Variants in ANGPT2 observed in about 807,000 individuals in gnomAD.
The protein encoded by ANGPT2 is angiopoietin-2.
Under a neutral mutation model 62.9 loss-of-function variants are expected in ANGPT2, and 28 were observed. That is an observed-to-expected ratio of 0.44 (90% CI 0.33 to 0.61). The LOEUF (loss-of-function observed/expected upper bound fraction) is 0.61, where lower values mean the gene tolerates loss of function less well. Ranked by LOEUF, ANGPT2 falls within the 20% of genes least tolerant of loss-of-function variation. The pLI is 0.03. For synonymous variants in ANGPT2, 284 were observed against 207.8 expected, an observed-to-expected ratio of 1.37 and a Z score of -3.15; for missense variants, 727 against 594.9, an observed-to-expected ratio of 1.22 and a Z score of -2.31.
chr8:6,521,303 G>A lies in ANGPT2; in HGVS notation c.674C>T (p.Ser225Phe), dbSNP rs1342611009. The A allele has an allele frequency of 1.2e-6, 2 of 1,613,782 alleles. No individual in the cohort carries two copies. The highest frequency in any genetic ancestry group is 1.3e-5 in the African/African-American group (1 of 75,010). Residue 225 changes from serine (S) to phenylalanine (F), a missense_variant, in exon 4 of 9, where the codon TCC becomes TTC. Coordinates refer to ENST00000629816, the MANE Select transcript of ANGPT2 (RefSeq NM_001118887.2). ...QLQVLVSKQNSIIEELEKKIV... is the reference protein window; with the variant it reads ...QLQVLVSKQNFIIEELEKKIV... Reference sequence around the variant, plus strand: ...TTTTTTTTCTAGTTCTTCAATGATGGAATTTTGCTTGGATACTAACACCTG... The same window carrying A: ...TTTTTTTTCTAGTTCTTCAATGATGAAATTTTGCTTGGATACTAACACCTG...
Position 6,519,915 on chromosome 8 carries a change from G to A in ANGPT2, c.876C>T (p.Thr292=), listed in dbSNP as rs111537897. ...DCAEVFKSGH[T]TNGIYTLTFP... ...ATGTTAACGTGTAGATGCCATTCGT[G>A]GTGTGTCCTGATTTGAATACTTCAG... The change falls in exon 5 of 9, where the codon ACC becomes ACT. Residue 292 remains threonine (T), a synonymous_variant. Transcript: ENST00000629816. 6.2e-7 allele frequency: 1 copy of A among 1,613,464 alleles called. No individual in the cohort carries two copies. Among genetic ancestry groups the A allele is most frequent in the East Asian group, 2.2e-5 (1 of 44,846 alleles).
In ANGPT2 at chr8:6,537,290, A is replaced by G. The variant is rs184836213; in HGVS notation, c.289-4803T>C. Among the ~76,000 whole-genome samples, 16 of 152,232 alleles carry G rather than the reference A, an allele frequency of 1.1e-4. 1 individual carries two copies. Among genetic ancestry groups the G allele is most frequent in the African/African-American group, 3.9e-4 (16 of 41,534 alleles). On this transcript the variant is annotated intron_variant, in intron 1 of 8. Coordinates refer to ENST00000629816, the MANE Select transcript of ANGPT2 (RefSeq NM_001118887.2). ...TCCTGCTGTATATGTGTGCGAGGAC[A>G]GTGTGTGTTTATTTTGTCCTCTTCT...
At chr8:6,507,087 G>A (rs1813892790) in intron 8 of ANGPT2, among the ~76,000 whole-genome samples, 2 of 151,966 alleles carry the variant, frequency 1.3e-5, no homozygotes, top group Admixed American at 6.6e-5. Context: ...TAGTAGAGAT[G>A]GGGTTTTGCC....
chr8:6,505,263 T>TATATATGTGTATACATATATGTTATATAC lies in ANGPT2; in HGVS notation c.1328-2003_1328-2002insGTATATAACATATATGTATACACATATAT, dbSNP rs1563305323. Among the ~76,000 whole-genome samples, 44 of 78,026 alleles carry TATATATGTGTATACATATATGTTATATAC rather than the reference T, an allele frequency of 5.6e-4. 7 individuals carry two copies. The highest frequency in any genetic ancestry group is 2.0e-3 in the African/African-American group (44 of 21,704). 51.2% of individuals were successfully genotyped at this position (78,026 alleles called of 152,430 possible). On this transcript the variant is annotated intron_variant, in intron 8 of 8. Coordinates refer to ENST00000629816, the MANE Select transcript of ANGPT2 (RefSeq NM_001118887.2). Reference sequence around the variant, plus strand: ...GAATATATATTCTTTATATATGTTTTATATATATGTATACATATATATGTT... The same window carrying TATATATGTGTATACATATATGTTATATAC: ...GAATATATATTCTTTATATATGTTTTATATATGTGTATACATATATGTTATATACATATATATGTATACATATATATGTT...
rs1412301526 is a variant in ANGPT2, at chr8:6,503,045, C to T, written c.*56G>A. 4 of 1,601,812 alleles carry T rather than the reference C, an allele frequency of 2.5e-6. No individual in the cohort carries two copies. The East Asian group carries it at 8.9e-5, about 36-fold the overall frequency. ...GTGCGCAGCCGTGACTTTCAGTGCA[C>T]TGGGCTTAAGTCTTTGAAAATAGTT... On this transcript the variant is annotated 3_prime_UTR_variant, in exon 9 of 9. Coordinates refer to ENST00000629816, the MANE Select transcript of ANGPT2 (RefSeq NM_001118887.2).
intron 5 of ANGPT2, among the ~76,000 whole-genome samples, chr8:6,516,801 A>C (rs1279714572): frequency 6.6e-6 from 1 of 152,180 alleles, no homozygotes; most frequent in African/African-American, 2.4e-5. Context: ...AATTACTGCT[A>C]TGAAGTTACC....
intron 3 of ANGPT2, among the ~76,000 whole-genome samples, chr8:6,522,382 C>G (rs986106952): frequency 2.0e-5 from 3 of 150,994 alleles, no homozygotes; most frequent in Non-Finnish European, 3.0e-5. Context: ...AATGTAAACG[C>G]TTAGACTAGC....
At position 6,530,596 on chromosome 8, in the gene ANGPT2, A is replaced by G. The variant is rs1032284125; in HGVS notation, c.444+1736T>C. The stretch of plus-strand genomic sequence containing the variant: ...TAATTCGCTTTAGATATATATTGAT[A>G]TATTGACTTTTAAATCTTTAGTTTT... On this transcript the variant is annotated intron_variant, in intron 2 of 8. Coordinates refer to ENST00000629816, the MANE Select transcript of ANGPT2 (RefSeq NM_001118887.2). 1.3e-4 allele frequency among the ~76,000 whole-genome samples: 20 copies of G among 150,938 alleles called. 1 individual carries two copies. The highest frequency in any genetic ancestry group is 4.4e-4 in the African/African-American group (18 of 41,076).
intron 8 of ANGPT2, among the ~76,000 whole-genome samples, chr8:6,506,859 A>G (rs1034453585): frequency 5.9e-5 from 9 of 151,334 alleles, no homozygotes; most frequent in African/African-American, 2.2e-4. Flanking sequence ...ACTGAATTTC[A>G]TATTATTTTC....
chr8:6,550,502 T>C lies in ANGPT2; in HGVS notation c.288+12145A>G, dbSNP rs75524476. On this transcript the variant is annotated intron_variant, in intron 1 of 8. Coordinates refer to ENST00000629816, the MANE Select transcript of ANGPT2 (RefSeq NM_001118887.2). ...GGGGTGAAGCGGAAACAAGGGTATG[T>C]GCCAAAACTGGCCTGCTCACCATTT... Among the ~76,000 whole-genome samples the C allele has an allele frequency of 6.1e-3, 925 of 152,314 alleles. 15 individuals are homozygous for C. In the East Asian group the frequency reaches 0.062, roughly 10 times the overall value.
At chr8:6,525,306 G>A (rs1192369900) in intron 3 of ANGPT2, among the ~76,000 whole-genome samples, 2 of 152,138 alleles carry the variant, frequency 1.3e-5, no homozygotes, top group Non-Finnish European at 2.9e-5. Flanking sequence ...TGTTGCCCAG[G>A]TTGGTATCAA....
intron 8 of ANGPT2, among the ~76,000 whole-genome samples, chr8:6,505,342 A>G (rs1813258732): frequency 7.0e-5 from 3 of 42,726 alleles, no homozygotes; most frequent in African/African-American, 3.2e-4. Flanking sequence ...TAGAAAGAAT[A>G]TATATATTCT....
At chr8:6,523,754 A>AT (rs1293419392) in intron 3 of ANGPT2, among the ~76,000 whole-genome samples, 4 of 151,980 alleles carry the variant, frequency 2.6e-5, no homozygotes, top group Non-Finnish European at 4.4e-5. Flanking sequence ...CGCCCAGCTA[A>AT]TTTTTTGTAT....
chr8:6,546,934 A>G (rs1822691563), intron 1 of ANGPT2, among the ~76,000 whole-genome samples: 1 of 152,214 alleles, frequency 6.6e-6, no homozygotes, highest in African/African-American at 2.4e-5. Flanking sequence ...CACTAGGAAA[A>G]ACAGCCATGT....
At chr8:6,544,616 C>T (rs1822209837) in intron 1 of ANGPT2, among the ~76,000 whole-genome samples, 1 of 152,114 alleles carries the variant, frequency 6.6e-6, no homozygotes, top group Non-Finnish European at 1.5e-5. Context: ...TAAGAACCGA[C>T]ATGCACAACT....
chr8:6,519,760 G>A, intron 5 of ANGPT2, 104 bp downstream of exon 5: 1 of 1,438,562 alleles, frequency 7.0e-7, no homozygotes, highest in Non-Finnish European at 9.5e-7. Flanking sequence ...ACTGTGTGAG[G>A]CTGGGGAAGA....
At chr8:6,531,398 C>T (rs1819486251) in intron 2 of ANGPT2, among the ~76,000 whole-genome samples, 1 of 151,822 alleles carries the variant, frequency 6.6e-6, no homozygotes. Context: ...AAGCAATTCT[C>T]CTGCCTCAGC....
rs766864975 is a variant in ANGPT2, at chr8:6,499,965, T to C, written c.*3136A>G. The stretch of plus-strand genomic sequence containing the variant: ...TGTTGTTTTACGATGGTAAATGCAG[T>C]TTGCTGTTCTCAAGAAATTATTATA... On this transcript the variant is annotated 3_prime_UTR_variant, in exon 9 of 9. Coordinates refer to ENST00000629816, the MANE Select transcript of ANGPT2 (RefSeq NM_001118887.2). The C allele has an allele frequency of 5.1e-6, 8 of 1,558,928 alleles. No homozygotes were observed. The East Asian group carries it at 9.0e-5, about 17-fold the overall frequency.
In ANGPT2 at chr8:6,499,924, G is replaced by A. The variant is rs780230267; in HGVS notation, c.*3177C>T. 6.2e-7 allele frequency: 1 copy of A among 1,613,254 alleles called. No homozygotes were observed. The highest frequency in any genetic ancestry group is 1.3e-5 in the African/African-American group (1 of 74,906). ...CGAACTGTCTCACCACTTCCCTGCA[G>A]CTCCCGTAAGTCAGATGTTGTTTTA... On this transcript the variant is annotated 3_prime_UTR_variant, in exon 9 of 9. Coordinates refer to ENST00000629816, the MANE Select transcript of ANGPT2 (RefSeq NM_001118887.2).
Sources: gnomAD v4.1 joint callset for allele counts (sites outside exome capture counted in the v4.1 genomes callset) on GRCh38, gnomAD v4.1.1 for gene constraint, MANE v1.5 for transcripts, NCBI Gene and HGNC (gene_info 2026-07-23, HGNC 2026-07-21) for gene names.